C8orf74: variants seen among roughly 807,000 people sequenced by gnomAD.
The protein encoded by C8orf74 is chromosome 8 open reading frame 74.
Under a neutral mutation model 22.2 loss-of-function variants are expected in C8orf74, and 29 were observed. The ratio of observed to expected loss-of-function variants is 1.31; its 90% CI spans 0.97 to 1.78. C8orf74 has a LOEUF of 1.78. C8orf74 is among the 40% of genes most tolerant of loss of function. C8orf74 has a pLI of 0.00. For missense variants in C8orf74, 515 were observed against 369.9 expected (o/e 1.39, Z -3.22); for synonymous variants, 255 against 163.1 (o/e 1.56, Z -4.30).
At chr8:10,674,914 C>T (rs962060178) in intron 2 of C8orf74, 76 bp downstream of exon 2, 5 of 1,283,598 alleles carry the variant, frequency 3.9e-6, no homozygotes, top group South Asian at 1.5e-5. Flanking sequence ...CCCTGCCGTC[C>T]ACAGCCCCAG....
At chr8:10,684,314 T>A (rs967075356) in intron 2 of C8orf74, among the ~76,000 whole-genome samples, 1 of 152,190 alleles carries the variant, frequency 6.6e-6, no homozygotes, top group African/African-American at 2.4e-5. Flanking sequence ...CTCTTTCACA[T>A]GAATCATTCT....
chr8:10,691,669 T>C (rs1374622307), intron 2 of C8orf74: 1 of 152,370 alleles, frequency 6.6e-6, no homozygotes, highest in Admixed American at 6.5e-5. Context: ...CTGTCCTCCA[T>C]GCGGCCACCG....
rs1383999653 is a variant in C8orf74, at chr8:10,700,235, G to C, written c.649G>C (p.Glu217Gln). ...AQPGQVLERQ[E>Q]LESLICQAVH... The stretch of plus-strand genomic sequence containing the variant: ...CATCGGCCTTCCCCTTTCCTTCCAG[G>C]AGTTGGAGAGCCTCATCTGCCAGGC... The change falls in exon 4 of 4, where the codon GAG becomes CAG. Residue 217 changes from glutamate (E) to glutamine (Q), a missense_variant and splice_region_variant. Physicochemically the swap from Glu to Gln is conservative, Grantham distance 29. Coordinates refer to ENST00000304519, the MANE Select transcript of C8orf74 (RefSeq NM_001040032.2). 9 of 1,591,196 alleles carry C rather than the reference G, an allele frequency of 5.7e-6. No homozygotes were observed. Among genetic ancestry groups the C allele is most frequent in the South Asian group, 3.4e-5 (3 of 89,534 alleles).
intron 2 of C8orf74, among the ~76,000 whole-genome samples, chr8:10,696,447 T>C (rs547905212): frequency 7.3e-4 from 90 of 123,468 alleles, no homozygotes; most frequent in Admixed American, 1.1e-3. Context: ...TTTTCTTTTT[T>C]TTTTTTTTTT....
chr8:10,689,440 CAT>C (rs1398325179), intron 2 of C8orf74: 2 of 152,182 alleles, frequency 1.3e-5, no homozygotes, highest in Non-Finnish European at 2.9e-5. Flanking sequence ...AGCTCATTTG[CAT>C]ATTTTGTTGA....
chr8:10,683,950 C>G (rs913142709), intron 2 of C8orf74, among the ~76,000 whole-genome samples: 2 of 152,220 alleles, frequency 1.3e-5, no homozygotes, highest in Non-Finnish European at 2.9e-5. Context: ...CTGCCCCATT[C>G]TCCAGCAAGC....
At chr8:10,682,818 C>T (rs537312703) in intron 2 of C8orf74, among the ~76,000 whole-genome samples, 21 of 152,338 alleles carry the variant, frequency 1.4e-4, no homozygotes, top group African/African-American at 4.6e-4. Context: ...CCCTGCCTTC[C>T]GCAAGAGACT....
At chr8:10,681,840 G>C (rs1799157684) in intron 2 of C8orf74, among the ~76,000 whole-genome samples, 2 of 152,228 alleles carry the variant, frequency 1.3e-5, no homozygotes, top group South Asian at 4.1e-4. Flanking sequence ...AGCCGGGTGA[G>C]TGCCTGGTGA....
At chr8:10,697,207 G>C (rs1799537882) in intron 2 of C8orf74, among the ~76,000 whole-genome samples, 1 of 152,176 alleles carries the variant, frequency 6.6e-6, no homozygotes, top group African/African-American at 2.4e-5. Context: ...AGGAGGCCGA[G>C]GCAGGAGGAT....
intron 2 of C8orf74, among the ~76,000 whole-genome samples, chr8:10,685,277 C>T (rs1233175942): frequency 6.6e-6 from 1 of 152,204 alleles, no homozygotes; most frequent in Admixed American, 6.5e-5. Context: ...TATGATTCAA[C>T]AATGGCTTCT....
At chr8:10,696,333 A>G (rs1799496969) in intron 2 of C8orf74, among the ~76,000 whole-genome samples, 1 of 151,658 alleles carries the variant, frequency 6.6e-6, no homozygotes, top group African/African-American at 2.4e-5. Context: ...TGGGGTAAAT[A>G]ATATTTTCCC....
intron 2 of C8orf74, among the ~76,000 whole-genome samples, chr8:10,677,907 C>T (rs953719501): frequency 6.6e-6 from 1 of 152,168 alleles, no homozygotes; most frequent in Admixed American, 6.5e-5. Context: ...ATGGCGATTT[C>T]GAATACACCT....
At chr8:10,696,551 A>G (rs1799506105) in intron 2 of C8orf74, among the ~76,000 whole-genome samples, 2 of 148,232 alleles carry the variant, frequency 1.3e-5, no homozygotes, top group African/African-American at 5.0e-5. Flanking sequence ...GGGTTCAAGC[A>G]ATTCTCCTGC....
At chr8:10,680,668 A>G (rs1328884261) in intron 2 of C8orf74, among the ~76,000 whole-genome samples, 1 of 152,192 alleles carries the variant, frequency 6.6e-6, no homozygotes, top group African/African-American at 2.4e-5. Flanking sequence ...GACTCTAACC[A>G]GCTGCCCACA....
Position 10,697,888 on chromosome 8 carries a change from G to A in C8orf74, c.531G>A (p.Gln177=). ...QVATLTEAEA[Q]KRADVLLLKE... is the part of the protein sequence containing the mutation. Reference sequence around the variant, plus strand: ...CCACACTGACGGAGGCCGAGGCACAGAAGCGCGCCGACGTGCTGCTCCTGA... The same window carrying A: ...CCACACTGACGGAGGCCGAGGCACAAAAGCGCGCCGACGTGCTGCTCCTGA... The change falls in exon 3 of 4, where the codon CAG becomes CAA. Residue 177 remains glutamine (Q), a synonymous_variant. Transcript: ENST00000304519. 1 of 1,611,058 alleles carries A rather than the reference G, an allele frequency of 6.2e-7. No individual in the cohort carries two copies. The highest frequency in any genetic ancestry group is 1.1e-5 in the South Asian group (1 of 91,010).
chr8:10,685,467 A>T, intron 2 of C8orf74, among the ~76,000 whole-genome samples: 1 of 152,380 alleles, frequency 6.6e-6, no homozygotes, highest in South Asian at 2.1e-4. Context: ...AGCCTTACAA[A>T]GGAAGGCAAT....
chr8:10,677,007 G>A (rs561078434), intron 2 of C8orf74, among the ~76,000 whole-genome samples: 83 of 152,158 alleles, frequency 5.5e-4, no homozygotes, highest in Middle Eastern at 3.4e-3. Flanking sequence ...TGGAGCTTTC[G>A]GCACTTCTGG....
In C8orf74 at chr8:10,674,825, A is replaced by G. The variant is rs551312861; in HGVS notation, c.228A>G (p.Leu76=). Residue 76 remains leucine, a synonymous_variant, in exon 2 of 4, where the codon CTA becomes CTG. Coordinates refer to ENST00000304519, the MANE Select transcript of C8orf74 (RefSeq NM_001040032.2). The stretch of plus-strand genomic sequence containing the variant: ...TGGTCAAGTTCACAGAAGAGCTGCT[A>G]AGGGAAACCAAAGGTATGGTGTGTC... ...AQVVKFTEEL[L]RETKGCSITE... 6.2e-7 allele frequency: 1 copy of G among 1,600,586 alleles called. No homozygotes were observed. The highest frequency in any genetic ancestry group is 1.1e-5 in the South Asian group (1 of 88,394).
At chr8:10,676,206 G>T (rs1228423023) in intron 2 of C8orf74, among the ~76,000 whole-genome samples, 1 of 151,884 alleles carries the variant, frequency 6.6e-6, no homozygotes, top group Non-Finnish European at 1.5e-5. Context: ...TTTAAGTGAG[G>T]TATATTAGAG....
Sources: allele counts gnomAD v4.1 joint callset (sites outside exome capture counted in the v4.1 genomes callset), GRCh38; gene constraint gnomAD v4.1.1; transcripts MANE v1.5; gene names NCBI Gene and HGNC (gene_info 2026-07-23, HGNC 2026-07-21).